NIBAN1: variants seen among roughly 807,000 people sequenced by gnomAD.
NIBAN1 encodes niban apoptosis regulator 1, also known as protein Niban 1.
Under a neutral mutation model 75.1 loss-of-function variants are expected in NIBAN1, and 81 were observed. That is an observed-to-expected ratio of 1.08 (90% CI 0.90 to 1.30). NIBAN1 has a LOEUF of 1.30. Among genes scored for constraint, NIBAN1 ranks in the 50% most tolerant of loss-of-function variants. The pLI, the probability that NIBAN1 is intolerant of heterozygous loss-of-function variation, is 0.00. For synonymous variants in NIBAN1, 436 were observed against 424.8 expected (o/e 1.03, Z -0.32); for missense variants, 1,133 against 1,128.1 (o/e 1.00, Z -0.06).
At chr1:184,873,733 A>G (rs1176250790) in intron 5 of NIBAN1, among the ~76,000 whole-genome samples, 1 of 152,134 alleles carries the variant, frequency 6.6e-6, no homozygotes. Flanking sequence ...GCTTCTTTGG[A>G]AATTTTCTCT....
At chr1:184,960,565 T>C (rs904306917) in intron 1 of NIBAN1, among the ~76,000 whole-genome samples, 1 of 152,200 alleles carries the variant, frequency 6.6e-6, no homozygotes, top group African/African-American at 2.4e-5. Flanking sequence ...AAGACCCTGC[T>C]TTCATACAGC....
chr1:184,954,503 CTT>C (rs973655965), intron 1 of NIBAN1, among the ~76,000 whole-genome samples: 11 of 152,244 alleles, frequency 7.2e-5, no homozygotes, highest in African/African-American at 2.4e-4. Flanking sequence ...CTCAGGGCCT[CTT>C]TTATCTGGGT....
intron 1 of NIBAN1, among the ~76,000 whole-genome samples, chr1:184,907,504 T>C (rs376300436): frequency 1.3e-5 from 2 of 152,194 alleles, no homozygotes; most frequent in South Asian, 2.1e-4. Flanking sequence ...ATTGTTTATT[T>C]TCACCAGAGT....
At chr1:184,810,319 C>A (rs892531264) in intron 9 of NIBAN1, among the ~76,000 whole-genome samples, 8 of 152,206 alleles carry the variant, frequency 5.3e-5, no homozygotes, top group African/African-American at 7.2e-5. Flanking sequence ...TTAAAACAGA[C>A]TCCTGGGCAC....
At chr1:184,938,764 T>C (rs1244633480) in intron 1 of NIBAN1, among the ~76,000 whole-genome samples, 1 of 152,192 alleles carries the variant, frequency 6.6e-6, no homozygotes, top group Non-Finnish European at 1.5e-5. Flanking sequence ...AAATGCCAAA[T>C]ATAAATACAA....
chr1:184,864,225 T>C (rs1655890100), intron 5 of NIBAN1, among the ~76,000 whole-genome samples: 1 of 152,192 alleles, frequency 6.6e-6, no homozygotes, highest in South Asian at 2.1e-4. Flanking sequence ...ACTAAAAGGA[T>C]TGTTGTCAGC....
chr1:184,860,326 A>T (rs1655785354), intron 5 of NIBAN1, among the ~76,000 whole-genome samples: 1 of 152,150 alleles, frequency 6.6e-6, no homozygotes, highest in African/African-American at 2.4e-5. Flanking sequence ...TCCAGAGTAA[A>T]ACAAAAATTA....
intron 1 of NIBAN1, among the ~76,000 whole-genome samples, chr1:184,902,933 T>C (rs1399102043): frequency 6.6e-6 from 1 of 152,246 alleles, no homozygotes; most frequent in African/African-American, 2.4e-5. Context: ...GCCTGACACA[T>C]ATTAGTTGAT....
chr1:184,839,001 G>T (rs1353093653), intron 5 of NIBAN1, among the ~76,000 whole-genome samples: 1 of 152,160 alleles, frequency 6.6e-6, no homozygotes, highest in African/African-American at 2.4e-5. Flanking sequence ...GATGCAGTGA[G>T]GCTGTGTGCC....
Position 184,974,389 on chromosome 1 carries a change from T to C in NIBAN1, c.-33A>G, listed in dbSNP as rs760999060. The C allele has an allele frequency of 6.5e-7, 1 of 1,541,502 alleles. No homozygotes were observed. The highest frequency in any genetic ancestry group is 1.2e-5 in the South Asian group (1 of 84,168). ...AGCTGCCTGTGCTGAGCGCGGAAAC[T>C]GCCCGGTCCGCGCCCGCTGCTAGCT... On this transcript the variant is annotated 5_prime_UTR_variant, in exon 1 of 14. Transcript: ENST00000367511.
In NIBAN1 at chr1:184,974,304, C is replaced by T. The variant is rs150602893; in HGVS notation, c.53G>A (p.Arg18Gln). The change falls in exon 1 of 14, where the codon CGA becomes CAA. Residue 18 changes from arginine (R) to glutamine (Q), a missense_variant and splice_region_variant. Arg to Gln is a conservative substitution (Grantham distance 43). Transcript: ENST00000367511. ...GGCCCCCGGGCGGGCGGGCGTACCT[C>T]GGATGTAAGCGCACTTGCCCTCGTC... ...QLDEGKCAYI[R>Q]GKTEAAIKNF... The T allele has an allele frequency of 1.0e-5, 16 of 1,563,032 alleles. No homozygotes were observed. Among genetic ancestry groups the T allele is most frequent in the African/African-American group, 1.4e-5 (1 of 73,690 alleles).
Position 184,943,838 on chromosome 1 carries a change from G to T in NIBAN1, c.55+30464C>A, listed in dbSNP as rs928344167. Among the ~76,000 whole-genome samples the T allele has an allele frequency of 2.6e-5, 4 of 152,102 alleles. No homozygotes were observed. The East Asian group carries it at 7.7e-4, about 29-fold the overall frequency. On this transcript the variant is annotated intron_variant, in intron 1 of 13. Coordinates refer to ENST00000367511, the MANE Select transcript of NIBAN1 (RefSeq NM_052966.4). ...TAAGTTCTAAGTTTTCTAACACACT[G>T]CACTAGACACCGAGGTGATATAACA...
chr1:184,884,711 A>G lies in NIBAN1; in HGVS notation c.523T>C (p.Tyr175His), dbSNP rs370242513. 20 of 1,614,118 alleles carry G rather than the reference A, an allele frequency of 1.2e-5. No individual in the cohort carries two copies. The African/African-American group carries it at 2.3e-4, about 18-fold the overall frequency. The change falls in exon 5 of 14, where the codon TAC becomes CAC. Residue 175 changes from tyrosine to histidine, a missense_variant. Transcript: ENST00000367511. ...YLWQPFFRHG[Y>H]FCFHEAADQK... is the part of the protein sequence containing the mutation. Reference sequence around the variant, plus strand: ...TCAGCAGCCTCGTGGAAGCAGAAGTAGCCGTGTCTGAAGAAGGGCTGCCAC... The same window carrying G: ...TCAGCAGCCTCGTGGAAGCAGAAGTGGCCGTGTCTGAAGAAGGGCTGCCAC...
chr1:184,903,475 G>A (rs993920061), intron 1 of NIBAN1, among the ~76,000 whole-genome samples: 1 of 152,242 alleles, frequency 6.6e-6, no homozygotes, highest in South Asian at 2.1e-4. Flanking sequence ...TCATGGGGGC[G>A]GATCTCTCAT....
At chr1:184,858,461 T>C (rs537122859) in intron 5 of NIBAN1, among the ~76,000 whole-genome samples, 3 of 152,158 alleles carry the variant, frequency 2.0e-5, no homozygotes, top group Admixed American at 2.0e-4. Flanking sequence ...CTCAGACTCA[T>C]GGCCAATCCG....
chr1:184,813,108 T>C (rs1654430910), intron 9 of NIBAN1, among the ~76,000 whole-genome samples: 1 of 152,248 alleles, frequency 6.6e-6, no homozygotes, highest in Admixed American at 6.5e-5. Flanking sequence ...CCTGGCCCTG[T>C]TCTTCCAAGG....
chr1:184,803,505 GC>G lies in NIBAN1; in HGVS notation c.1554+79del, dbSNP rs1349870564. 2.1e-5 allele frequency: 23 copies of G among 1,083,772 alleles called. No individual in the cohort carries two copies. In the African/African-American group the frequency reaches 3.5e-4, roughly 16 times the overall value. 67.1% of individuals were successfully genotyped at this position (1,083,772 alleles called of 1,614,324 possible). On this transcript the variant is annotated intron_variant, in intron 12 of 13. Transcript: ENST00000367511. ...CCCTCCCTGGTCTAGTCTGCTGTTT[GC>G]CAGTACACATCACAAAAGAACTTGT...
chr1:184,839,600 ATTTTT>A (rs1199357275), intron 5 of NIBAN1, among the ~76,000 whole-genome samples: 7 of 144,000 alleles, frequency 4.9e-5, no homozygotes, highest in African/African-American at 1.8e-4. Flanking sequence ...GTTCCATTTA[ATTTTT>A]TTTTTTTGAG....
chr1:184,974,405 G>C lies in NIBAN1; in HGVS notation c.-49C>G. 1 of 1,530,366 alleles carries C rather than the reference G, an allele frequency of 6.5e-7. No individual in the cohort carries two copies. The highest frequency in any genetic ancestry group is 2.5e-5 in the East Asian group (1 of 39,742). 94.8% of individuals were successfully genotyped at this position (1,530,366 alleles called of 1,614,324 possible). ...CGCGGAAACTGCCCGGTCCGCGCCC[G>C]CTGCTAGCTCCTGGAGGTTGATCCG... On this transcript the variant is annotated 5_prime_UTR_variant, in exon 1 of 14. Transcript: ENST00000367511.
Sources: allele counts gnomAD v4.1 joint callset (sites outside exome capture counted in the v4.1 genomes callset), GRCh38; gene constraint gnomAD v4.1.1; transcripts MANE v1.5; gene names NCBI Gene and HGNC (gene_info 2026-07-23, HGNC 2026-07-21).